Variants in CCNJL observed in about 807,000 individuals in gnomAD.
CCNJL encodes cyclin-J-like protein.
CCNJL carries 33 observed loss-of-function variants against 33.4 expected under a neutral mutation model. That is an observed-to-expected ratio of 0.99 (90% CI 0.75 to 1.32). The LOEUF is 1.32. CCNJL is among the 40% of genes most tolerant of loss of function. CCNJL has a pLI of 0.00. For synonymous variants in CCNJL, 227 were observed against 220.9 expected (o/e 1.03, Z -0.24); for missense variants, 512 against 499.7 (o/e 1.02, Z -0.23).
chr5:160,314,528 C>T (rs191777261), upstream of CCNJL, among the ~76,000 whole-genome samples: 85 of 152,106 alleles, frequency 5.6e-4, no homozygotes, highest in Admixed American at 1.7e-3. Flanking sequence ...ACGAATTATA[C>T]GGAGGGGAAG....
At chr5:160,321,549 C>G (rs1763465244) in intron 1 of CCNJL, among the ~76,000 whole-genome samples, 1 of 152,212 alleles carries the variant, frequency 6.6e-6, no homozygotes, top group Non-Finnish European at 1.5e-5. Flanking sequence ...TGAGGGGACT[C>G]AGGCTTGGGG....
rs920603674 is a variant in CCNJL, at chr5:160,286,728, G to A, written c.67-5990C>T. Among the ~76,000 whole-genome samples, 7 of 152,158 alleles carry A rather than the reference G, an allele frequency of 4.6e-5. 1 individual carries two copies. Among genetic ancestry groups the A allele is most frequent in the Admixed American group, 2.6e-4 (4 of 15,268 alleles). ...GCAAGTAGGGGTTAGTAGGTACAGC[G>A]TGCTGGAAGGGGCTGGTCTCAAGAG... On this transcript the variant is annotated intron_variant, in intron 2 of 5. Coordinates refer to ENST00000257536, the MANE Select transcript of CCNJL (RefSeq NM_001308173.3).
At chr5:160,300,765 T>C (rs1762896961) in intron 2 of CCNJL, among the ~76,000 whole-genome samples, 1 of 152,144 alleles carries the variant, frequency 6.6e-6, no homozygotes, top group African/African-American at 2.4e-5. Context: ...GCCCAAGTGA[T>C]CCTCCCATTT....
intron 3 of CCNJL, among the ~76,000 whole-genome samples, chr5:160,273,311 C>T (rs1229827840): frequency 6.6e-6 from 1 of 152,190 alleles, no homozygotes; most frequent in Non-Finnish European, 1.5e-5. Flanking sequence ...TCATGGCCAA[C>T]AGCATTATAA....
At chr5:160,291,064 AAGAAAGAGAGAG>A (rs1762567668) in intron 2 of CCNJL, among the ~76,000 whole-genome samples, 1 of 149,308 alleles carries the variant, frequency 6.7e-6, no homozygotes, top group South Asian at 2.1e-4. Context: ...AAAAAAAAGA[AAGAAAGAGAGAG>A]AGAAAGAAAG....
At chr5:160,267,434 CAG>C (rs1219984520) in intron 3 of CCNJL, among the ~76,000 whole-genome samples, 8 of 152,162 alleles carry the variant, frequency 5.3e-5, no homozygotes, top group Non-Finnish European at 1.0e-4. Context: ...ATCTGTCTTG[CAG>C]AACACCACAG....
chr5:160,295,444 C>T (rs559369165), intron 2 of CCNJL, among the ~76,000 whole-genome samples: 14 of 152,192 alleles, frequency 9.2e-5, no homozygotes, highest in Admixed American at 3.9e-4. Context: ...GCCGAGATCG[C>T]GCCACTGCAC....
intron 1 of CCNJL, chr5:160,326,867 T>G: frequency 1.4e-6 from 1 of 693,572 alleles, no homozygotes; most frequent in East Asian, 3.3e-5. Flanking sequence ...AACCTTGTAT[T>G]AGATGATACA....
intron 4 of CCNJL, among the ~76,000 whole-genome samples, chr5:160,258,066 G>A (rs1289937215): frequency 6.6e-6 from 1 of 151,924 alleles, no homozygotes; most frequent in African/African-American, 2.4e-5. Flanking sequence ...GGCTGGTCTT[G>A]AACTCCTGAC....
At chr5:160,254,167 A>G (rs1760949975) in intron 5 of CCNJL, 3 of 482,238 alleles carry the variant, frequency 6.2e-6, no homozygotes, top group Non-Finnish European at 1.1e-5. Context: ...GTGCTCACCA[A>G]TGCCTTCCCA....
In CCNJL at chr5:160,252,177, A is replaced by G. The variant is rs1184795516; in HGVS notation, c.*1201T>C. On this transcript the variant is annotated 3_prime_UTR_variant, in exon 6 of 6. Transcript: ENST00000257536. Reference sequence around the variant, plus strand: ...ACAAGCTGCGAGTCAGAATAAAAACATATTGCACATGGTTACAAGAGTCTT... The same window carrying G: ...ACAAGCTGCGAGTCAGAATAAAAACGTATTGCACATGGTTACAAGAGTCTT... The G allele has an allele frequency of 2.0e-5, 3 of 152,646 alleles. No individual in the cohort carries two copies. The highest frequency in any genetic ancestry group is 4.4e-5 in the Non-Finnish European group (3 of 68,050). The allele number at this position is 152,646 out of a possible 1,614,324, so 9.5% of individuals were successfully genotyped here.
chr5:160,281,236 G>A (rs553969647), intron 2 of CCNJL: 1 of 179,650 alleles, frequency 5.6e-6, no homozygotes, highest in Non-Finnish European at 1.2e-5. Flanking sequence ...GACCTCTCAG[G>A]ATCCACATCT....
At chr5:160,304,108 C>T (rs1194505831) in intron 2 of CCNJL, among the ~76,000 whole-genome samples, 4 of 152,164 alleles carry the variant, frequency 2.6e-5, no homozygotes, top group African/African-American at 9.7e-5. Context: ...GGAAAGGAAG[C>T]CTTCAAAGGT....
Position 160,297,325 on chromosome 5 carries a change from C to T in CCNJL, c.66+14533G>A, listed in dbSNP as rs550707542. On this transcript the variant is annotated intron_variant, in intron 2 of 5. Coordinates refer to ENST00000257536, the MANE Select transcript of CCNJL (RefSeq NM_001308173.3). ...TGTGACAACCAAGCCAAGAAGATGG[C>T]CCCAGAAAATTAGCCAGAGCTCTGC... Among the ~76,000 whole-genome samples the T allele has an allele frequency of 2.0e-4, 30 of 152,236 alleles. No homozygotes were observed. The South Asian group carries it at 6.0e-3, about 31-fold the overall frequency.
chr5:160,337,170 A>G (rs1763694175), intron 1 of CCNJL, among the ~76,000 whole-genome samples: 1 of 119,368 alleles, frequency 8.4e-6, no homozygotes, highest in African/African-American at 3.2e-5. Flanking sequence ...TGCCCGGCAA[A>G]TTTTTGATTT....
chr5:160,279,355 C>A (rs897786259), intron 3 of CCNJL, among the ~76,000 whole-genome samples: 2 of 152,230 alleles, frequency 1.3e-5, no homozygotes, highest in African/African-American at 4.8e-5. Context: ...CACTTTGAGC[C>A]TGAGGCCTCT....
In CCNJL at chr5:160,280,710, T is replaced by C; in HGVS notation, c.95A>G (p.His32Arg). 2 of 1,609,410 alleles carry C rather than the reference T, an allele frequency of 1.2e-6. No individual in the cohort carries two copies. Among genetic ancestry groups the C allele is most frequent in the South Asian group, 2.2e-5 (2 of 90,772 alleles). ...KELKLPTFRA[H>R]SPLLKSRRFF... ...CCGGCGGCTCTTCAGGAGTGGGGAGTGGGCTCGGAAGGTGGGCAGCTTCAG... is the reference window on the plus strand; with the variant it reads ...CCGGCGGCTCTTCAGGAGTGGGGAGCGGGCTCGGAAGGTGGGCAGCTTCAG... Residue 32 changes from histidine to arginine, a missense_variant, in exon 3 of 6, where the codon CAC (histidine) becomes CGC (arginine). By Grantham distance (29) the His-to-Arg change is conservative (BLOSUM62 0). Coordinates refer to ENST00000257536, the MANE Select transcript of CCNJL (RefSeq NM_001308173.3).
intron 3 of CCNJL, among the ~76,000 whole-genome samples, chr5:160,271,138 C>G (rs1018367586): frequency 6.6e-6 from 1 of 152,138 alleles, no homozygotes; most frequent in Non-Finnish European, 1.5e-5. Context: ...AATCTTAGCA[C>G]CAAGGGATAG....
chr5:160,256,933 T>C (rs1440751053), intron 4 of CCNJL, among the ~76,000 whole-genome samples: 1 of 151,362 alleles, frequency 6.6e-6, no homozygotes, highest in African/African-American at 2.4e-5. Context: ...AAAAAAAATT[T>C]TTTTTCATGA....
Sources: gnomAD v4.1 joint callset for allele counts (sites outside exome capture counted in the v4.1 genomes callset) on GRCh38, gnomAD v4.1.1 for gene constraint, MANE v1.5 for transcripts, NCBI Gene and HGNC (gene_info 2026-07-23, HGNC 2026-07-21) for gene names.